Variants in FHIT observed in about 807,000 individuals in gnomAD.
FHIT encodes fragile histidine triad diadenosine triphosphatase.
A neutral mutation model predicts 17.9 loss-of-function variants in FHIT; 19 were observed. The ratio of observed to expected loss-of-function variants is 1.06; its 90% CI spans 0.74 to 1.56. FHIT has a LOEUF of 1.56. Among genes scored for constraint, FHIT ranks in the 40% most tolerant of loss-of-function variants. The pLI, the probability that FHIT is intolerant of heterozygous loss-of-function variation, is 0.00. For synonymous variants in FHIT, 81 were observed against 69.7 expected (o/e 1.16, Z -0.81); for missense variants, 248 against 189.2 (o/e 1.31, Z -1.82).
At chr3:59,927,135 G>C (rs545845124) in intron 7 of FHIT, among the ~76,000 whole-genome samples, 1 of 150,870 alleles carries the variant, frequency 6.6e-6, no homozygotes, top group Admixed American at 6.6e-5. Flanking sequence ...GATATGATTT[G>C]GCCATAAAAA....
At chr3:60,610,504 G>T (rs1259289499) in intron 4 of FHIT, among the ~76,000 whole-genome samples, 1 of 152,110 alleles carries the variant, frequency 6.6e-6, no homozygotes, top group Non-Finnish European at 1.5e-5. Flanking sequence ...AAGTGTTTTA[G>T]GGGCTTTGAA....
At chr3:61,015,685 T>C (rs567233494) in intron 3 of FHIT, among the ~76,000 whole-genome samples, 3 of 152,290 alleles carry the variant, frequency 2.0e-5, no homozygotes, top group African/African-American at 4.8e-5. Context: ...GTGAAGAACA[T>C]GAAGGAATGT....
intron 3 of FHIT, among the ~76,000 whole-genome samples, chr3:60,900,188 G>C (rs572353008): frequency 6.6e-6 from 1 of 152,128 alleles, no homozygotes; most frequent in Non-Finnish European, 1.5e-5. Context: ...CTCCAACTTG[G>C]TCAAGAGGCA....
chr3:60,082,659 A>G (rs4413275), intron 5 of FHIT, among the ~76,000 whole-genome samples: 61,147 of 151,896 alleles, frequency 0.4, 12,933 homozygotes, highest in African/African-American at 0.52. Context: ...CTTTTTATTA[A>G]TAACTATTCT....
At chr3:59,966,938 T>A (rs963509524) in intron 7 of FHIT, among the ~76,000 whole-genome samples, 1 of 152,212 alleles carries the variant, frequency 6.6e-6, no homozygotes, top group Non-Finnish European at 1.5e-5. Context: ...TTGACTTTTG[T>A]AATAACATGT....
intron 5 of FHIT, among the ~76,000 whole-genome samples, chr3:60,168,677 G>C (rs1350360097): frequency 2.0e-5 from 3 of 152,212 alleles, no homozygotes; most frequent in African/African-American, 7.2e-5. Flanking sequence ...TGAAAGGTAA[G>C]ACAGGGGACA....
At position 60,138,095 on chromosome 3, in the gene FHIT, G is replaced by A. The variant is rs183059450; in HGVS notation, c.104-123943C>T. On this transcript the variant is annotated intron_variant, in intron 5 of 9. Transcript: ENST00000492590. ...CTGAAGTTTACTTCACAATCTTAGT[G>A]GCTCCAATCGAAGATCGTCCACTGT... Among the ~76,000 whole-genome samples the A allele has an allele frequency of 4.5e-3, 682 of 152,294 alleles. 3 individuals are homozygous for A. Among genetic ancestry groups the A allele is most frequent in the South Asian group, 0.03 (147 of 4,820 alleles).
intron 4 of FHIT, among the ~76,000 whole-genome samples, chr3:60,739,619 G>A (rs2042203569): frequency 6.6e-6 from 1 of 152,084 alleles, no homozygotes; most frequent in South Asian, 2.1e-4. Context: ...TTCATCCCTG[G>A]CCTCTACCTA....
chr3:61,241,876 C>T lies in FHIT; in HGVS notation c.-213+9425G>A, dbSNP rs941900825. On this transcript the variant is annotated intron_variant, in intron 1 of 9. Coordinates refer to ENST00000492590, the MANE Select transcript of FHIT (RefSeq NM_002012.4). ...AAACACTGGCATACAAACAAAATACCCCTAAAATAAGTGATTTTTAACTGC... is the reference window on the plus strand; with the variant it reads ...AAACACTGGCATACAAACAAAATACTCCTAAAATAAGTGATTTTTAACTGC... Among the ~76,000 whole-genome samples the T allele has an allele frequency of 4.8e-4, 73 of 152,146 alleles. 2 individuals are homozygous for T. The highest frequency in any genetic ancestry group is 1.6e-3 in the African/African-American group (66 of 41,520).
intron 5 of FHIT, among the ~76,000 whole-genome samples, chr3:60,151,236 A>C (rs1050881477): frequency 1.3e-5 from 2 of 152,200 alleles, no homozygotes; most frequent in African/African-American, 4.8e-5. Context: ...ATAGGTTCTA[A>C]AGTCAGTACA....
intron 4 of FHIT, among the ~76,000 whole-genome samples, chr3:60,802,494 A>G (rs1325998481): frequency 6.6e-6 from 1 of 152,260 alleles, no homozygotes; most frequent in Non-Finnish European, 1.5e-5. Flanking sequence ...ATGGGCATTT[A>G]AAGAAACTGC....
intron 5 of FHIT, among the ~76,000 whole-genome samples, chr3:60,133,327 C>T (rs1699677966): frequency 1.3e-5 from 2 of 152,136 alleles, no homozygotes; most frequent in Non-Finnish European, 1.5e-5. Flanking sequence ...ATACTGGAAA[C>T]TGAGTAATAA....
At chr3:60,900,010 C>G (rs1706029722) in intron 3 of FHIT, among the ~76,000 whole-genome samples, 1 of 152,156 alleles carries the variant, frequency 6.6e-6, no homozygotes, top group Admixed American at 6.5e-5. Flanking sequence ...GCTACTTTGC[C>G]TAGCTAAGAA....
chr3:61,003,110 A>G (rs1407928700), intron 3 of FHIT, among the ~76,000 whole-genome samples: 1 of 152,250 alleles, frequency 6.6e-6, no homozygotes, highest in Non-Finnish European at 1.5e-5. Flanking sequence ...ACTAAAGCAC[A>G]GGAGAAGAAT....
At chr3:60,493,489 A>T (rs2034153732) in intron 5 of FHIT, among the ~76,000 whole-genome samples, 2 of 152,200 alleles carry the variant, frequency 1.3e-5, no homozygotes, top group African/African-American at 4.8e-5. Context: ...ATCAACAAGC[A>T]ATAGTCCCAC....
intron 5 of FHIT, among the ~76,000 whole-genome samples, chr3:60,019,716 C>A (rs1700481918): frequency 6.6e-6 from 1 of 152,142 alleles, no homozygotes; most frequent in Non-Finnish European, 1.5e-5. Context: ...CCGTGCCCAG[C>A]CGAGATGGAT....
intron 4 of FHIT, among the ~76,000 whole-genome samples, chr3:60,614,810 T>TA (rs1396731851): frequency 4.9e-5 from 1 of 20,304 alleles, no homozygotes; most frequent in South Asian, 1.3e-3. Flanking sequence ...GCAAAAGTTG[T>TA]TTTTTTTTTG....
chr3:61,098,856 A>G (rs1327199222), intron 2 of FHIT, among the ~76,000 whole-genome samples: 1 of 152,164 alleles, frequency 6.6e-6, no homozygotes, highest in Non-Finnish European at 1.5e-5. Context: ...TTAGGCTGAG[A>G]CGATGGGGTT....
At chr3:60,483,340 T>A (rs2033697168) in intron 5 of FHIT, among the ~76,000 whole-genome samples, 1 of 152,144 alleles carries the variant, frequency 6.6e-6, no homozygotes, top group Non-Finnish European at 1.5e-5. Flanking sequence ...GAAGCCAGCA[T>A]CACCCTGATG....
Sources: gnomAD v4.1 joint callset for allele counts (sites outside exome capture counted in the v4.1 genomes callset) on GRCh38, gnomAD v4.1.1 for gene constraint, MANE v1.5 for transcripts, NCBI Gene and HGNC (gene_info 2026-07-23, HGNC 2026-07-21) for gene names.